The following MRTFB variants were observed in gnomAD, a reference collection of about 807,000 sequenced individuals.
The protein encoded by MRTFB is myocardin related transcription factor B, also known as myocardin-related transcription factor B.
Under a neutral mutation model 104.2 loss-of-function variants are expected in MRTFB, and 29 were observed. The ratio of observed to expected loss-of-function variants is 0.28; its 90% CI spans 0.21 to 0.38. The LOEUF is 0.38. MRTFB is among the 10% of genes least tolerant of loss of function. The probability of loss-of-function intolerance (pLI) is 1.00; values close to 1 mark genes in which losing one functional copy is unlikely to be tolerated. For missense variants in MRTFB, 1,270 were observed against 1,341.6 expected, an observed-to-expected ratio of 0.95 and a Z score of 0.83; for synonymous variants, 535 against 519.5, an observed-to-expected ratio of 1.03 and a Z score of -0.41.
chr16:14,025,888 G>A, the MRTFB span, among the ~76,000 whole-genome samples: 2 of 151,944 alleles, frequency 1.3e-5, no homozygotes, highest in Admixed American at 6.6e-5. Flanking sequence ...ATCACTCAGG[G>A]AAAAAAACCC....
intron 11 of MRTFB, 111 bp from the exon 12 acceptor site, chr16:14,246,362 C>A (rs193067315): frequency 1.0e-6 from 1 of 1,002,208 alleles, no homozygotes; most frequent in Non-Finnish European, 1.5e-6. Context: ...TCAGGTGTGC[C>A]GTAACGCAGA....
chr16:14,013,409 C>G, the MRTFB span: 4 of 152,170 alleles, frequency 2.6e-5, no homozygotes, highest in Admixed American at 6.6e-5. Context: ...AAGGGAAACC[C>G]TCTTGTCACC....
chr16:14,221,588 T>C (rs538303430), intron 8 of MRTFB, among the ~76,000 whole-genome samples: 1 of 152,302 alleles, frequency 6.6e-6, no homozygotes, highest in South Asian at 2.1e-4. Flanking sequence ...TTTACTAAAA[T>C]GTGCTTGTAA....
At chr16:14,127,928 T>TATATATATA (rs2037230681) in intron 2 of MRTFB, among the ~76,000 whole-genome samples, 1 of 35,250 alleles carries the variant, frequency 2.8e-5, no homozygotes, top group Non-Finnish European at 4.4e-5. Flanking sequence ...TATATATATA[T>TATATATATA]ATTTTTTTTT....
At chr16:14,053,240 A>G in the MRTFB span, among the ~76,000 whole-genome samples, 4 of 151,518 alleles carry the variant, frequency 2.6e-5, no homozygotes, top group African/African-American at 7.3e-5. Flanking sequence ...GTGTGTGTGT[A>G]TGTGTGTGTG....
At chr16:14,214,009 G>T (rs1350955521) in intron 6 of MRTFB, among the ~76,000 whole-genome samples, 2 of 152,130 alleles carry the variant, frequency 1.3e-5, no homozygotes. Flanking sequence ...GTGTCTAACT[G>T]TACAGTGCCC....
intron 3 of MRTFB, among the ~76,000 whole-genome samples, chr16:14,168,442 C>T (rs2039320885): frequency 1.3e-5 from 2 of 152,158 alleles, no homozygotes; most frequent in African/African-American, 4.8e-5. Flanking sequence ...TGGTTTTGTT[C>T]ACCATTTATC....
intron 8 of MRTFB, among the ~76,000 whole-genome samples, chr16:14,224,246 G>A (rs1388028669): frequency 6.6e-6 from 1 of 152,136 alleles, no homozygotes; most frequent in Non-Finnish European, 1.5e-5. Context: ...TTTGACATGA[G>A]ATTTGGTCAT....
the MRTFB span, among the ~76,000 whole-genome samples, chr16:14,005,009 C>T: frequency 1.3e-5 from 2 of 152,236 alleles, no homozygotes; most frequent in Non-Finnish European, 2.9e-5. Context: ...ATCCAACTCT[C>T]TGTGCTCCAG....
At chr16:14,169,718 T>G (rs2039361536) in intron 3 of MRTFB, among the ~76,000 whole-genome samples, 1 of 152,150 alleles carries the variant, frequency 6.6e-6, no homozygotes, top group Non-Finnish European at 1.5e-5. Context: ...AGAGACAGTT[T>G]GAGTTACCAG....
chr16:14,194,707 T>C (rs72785422), intron 3 of MRTFB, among the ~76,000 whole-genome samples: 16,159 of 150,880 alleles, frequency 0.11, 1,107 homozygotes, highest in Non-Finnish European at 0.15. Flanking sequence ...CTTTTCTTTT[T>C]TTTTTTTTTT....
the MRTFB span, among the ~76,000 whole-genome samples, chr16:14,030,094 G>T: frequency 2.0e-5 from 3 of 152,128 alleles, no homozygotes; most frequent in Non-Finnish European, 4.4e-5. Flanking sequence ...TTCCCAGAGG[G>T]TGGGTTTCTG....
At chr16:14,082,196 C>T (rs1365142529) in intron 2 of MRTFB, among the ~76,000 whole-genome samples, 1 of 152,120 alleles carries the variant, frequency 6.6e-6, no homozygotes, top group Non-Finnish European at 1.5e-5. Context: ...GTCTTTAATA[C>T]ATTTTGAGTT....
Position 14,177,628 on chromosome 16 carries a change from C to T in MRTFB, c.155-32615C>T, listed in dbSNP as rs1380285070. 6.6e-6 allele frequency among the ~76,000 whole-genome samples: 1 copy of T among 151,678 alleles called. No homozygotes were observed. The highest frequency in any genetic ancestry group is 2.4e-5 in the African/African-American group (1 of 41,270). On this transcript the variant is annotated intron_variant, in intron 3 of 16. Coordinates refer to ENST00000571589, the MANE Select transcript of MRTFB (RefSeq NM_001308142.2). This position sits in a 1 kb window ranked among gnomAD's most constrained non-coding sequence, Gnocchi z 4.7. The stretch of plus-strand genomic sequence containing the variant: ...TTGCTTCAGCCCAGGAGTTCGAGAC[C>T]AGCCTGAGCAACATAGCAAGACCTC...
the MRTFB span, among the ~76,000 whole-genome samples, chr16:14,006,035 G>T: frequency 6.6e-6 from 1 of 151,324 alleles, no homozygotes; most frequent in African/African-American, 2.4e-5. Context: ...TGGTGAAACC[G>T]CATCTCTGCT....
At position 14,245,982 on chromosome 16, in the gene MRTFB, C is replaced by T. The variant is rs193122198; in HGVS notation, c.1212+322C>T. 7.2e-5 allele frequency among the ~76,000 whole-genome samples: 11 copies of T among 152,250 alleles called. No individual in the cohort carries two copies. In the South Asian group the frequency reaches 1.7e-3, roughly 23 times the overall value. ...AATGTAACAGTTAAGAATATGAGCT[C>T]TAGGGCCAGCCTTTTTAGGTTTCTA... On this transcript the variant is annotated intron_variant, in intron 11 of 16. Coordinates refer to ENST00000571589, the MANE Select transcript of MRTFB (RefSeq NM_001308142.2).
intron 3 of MRTFB, among the ~76,000 whole-genome samples, chr16:14,145,085 G>T (rs2038241035): frequency 6.6e-6 from 1 of 150,526 alleles, no homozygotes; most frequent in East Asian, 1.9e-4. Context: ...AGTTATGTGA[G>T]CAGAGTATGT....
chr16:14,106,716 T>A (rs958174221), intron 2 of MRTFB, among the ~76,000 whole-genome samples: 20 of 152,214 alleles, frequency 1.3e-4, no homozygotes, highest in East Asian at 5.8e-4. Flanking sequence ...ATCATGTTTT[T>A]AAAACATTTC....
chr16:14,059,602 T>C, the MRTFB span, among the ~76,000 whole-genome samples: 1 of 152,170 alleles, frequency 6.6e-6, no homozygotes, highest in Non-Finnish European at 1.5e-5. Context: ...CTGTGGAAGA[T>C]GGTGACAGCA....
Sources: gnomAD v4.1 joint callset for allele counts (sites outside exome capture counted in the v4.1 genomes callset) on GRCh38, gnomAD v4.1.1 for gene constraint, Gnocchi (gnomAD v3.1) non-coding constraint, MANE v1.5 for transcripts, NCBI Gene and HGNC (gene_info 2026-07-23, HGNC 2026-07-21) for gene names.